Variants in KANK1 observed in about 807,000 individuals in gnomAD.
KANK1 encodes KN motif and ankyrin repeat domains 1, also known as KN motif and ankyrin repeat domain-containing protein 1.
In KANK1, 109 loss-of-function variants were observed where a neutral mutation model predicts 106.2. The observed-to-expected ratio is 1.03, with a 90% CI of 0.88 to 1.20. The LOEUF (loss-of-function observed/expected upper bound fraction) is 1.20, where lower values mean the gene tolerates loss of function less well. KANK1 is among the 50% of genes most tolerant of loss of function. The probability of loss-of-function intolerance (pLI) is 0.00; values close to 1 mark genes in which losing one functional copy is unlikely to be tolerated. For synonymous variants in KANK1, 873 were observed against 652.2 expected (o/e 1.34, Z -5.16); for missense variants, 2,399 against 1,710.7 (o/e 1.40, Z -7.10).
intron 1 of KANK1, among the ~76,000 whole-genome samples, chr9:569,786 A>T (rs951595147): frequency 4.6e-5 from 7 of 151,672 alleles, no homozygotes; most frequent in African/African-American, 1.7e-4. Flanking sequence ...TGCATTCATT[A>T]TTAGTGAAGT....
At chr9:709,696 A>T (rs1324728630) in intron 2 of KANK1, among the ~76,000 whole-genome samples, 2 of 149,720 alleles carry the variant, frequency 1.3e-5, no homozygotes, top group African/African-American at 2.5e-5. Flanking sequence ...CCTCACTGCA[A>T]CCTCCACCTC....
intron 1 of KANK1, among the ~76,000 whole-genome samples, chr9:628,597 G>A (rs1009440789): frequency 5.3e-5 from 8 of 152,140 alleles, no homozygotes; most frequent in Non-Finnish European, 5.9e-5. Context: ...CCACAGTGGT[G>A]GTGAGTTCAG....
chr9:496,239 A>G (rs984535957), intron 3 of KANK1, among the ~76,000 whole-genome samples: 2 of 152,220 alleles, frequency 1.3e-5, no homozygotes, highest in East Asian at 1.9e-4. Flanking sequence ...TAAGCTCTCA[A>G]TAAGAATTAT....
intron 1 of KANK1, among the ~76,000 whole-genome samples, chr9:667,669 C>T (rs1051553769): frequency 6.6e-6 from 1 of 150,484 alleles, no homozygotes; most frequent in African/African-American, 2.4e-5. Flanking sequence ...CTTATTTCTT[C>T]ATCAACTCAT....
chr9:692,668 TTTATG>T (rs1820261946), intron 2 of KANK1, among the ~76,000 whole-genome samples: 1 of 151,828 alleles, frequency 6.6e-6, no homozygotes, highest in African/African-American at 2.4e-5. Context: ...TCTCTTGAGG[TTTATG>T]TTATCATTTA....
At chr9:564,294 C>G (rs1177602563) in intron 1 of KANK1, among the ~76,000 whole-genome samples, 2 of 151,858 alleles carry the variant, frequency 1.3e-5, no homozygotes, top group East Asian at 3.9e-4. Context: ...ACCTCCTGAC[C>G]TCATGACTCC....
At chr9:716,650 G>A (rs1827787908) in intron 3 of KANK1, among the ~76,000 whole-genome samples, 1 of 152,176 alleles carries the variant, frequency 6.6e-6, no homozygotes, top group Non-Finnish European at 1.5e-5. Flanking sequence ...TAGAGTTGAA[G>A]ATTTGATGAT....
In KANK1 at chr9:732,212, A is replaced by C. The variant is rs1053067063; in HGVS notation, c.3006-166A>C. The C allele has an allele frequency of 4.1e-6, 3 of 734,632 alleles. No homozygotes were observed. In the African/African-American group the frequency reaches 5.3e-5, roughly 13 times the overall value. 45.5% of individuals were successfully genotyped at this position (734,632 alleles called of 1,614,324 possible). On this transcript the variant is annotated intron_variant, in intron 5 of 11. Coordinates refer to ENST00000382297, the MANE Select transcript of KANK1 (RefSeq NM_015158.5). Reference sequence around the variant, plus strand: ...ACCAGTTTAAGTTAGAGTCCATTCAAAACCACCAGGCATTTAAATAGACCT... The same window carrying C: ...ACCAGTTTAAGTTAGAGTCCATTCACAACCACCAGGCATTTAAATAGACCT...
intron 3 of KANK1, among the ~76,000 whole-genome samples, chr9:491,573 G>A (rs1408039632): frequency 6.6e-6 from 1 of 152,032 alleles, no homozygotes; most frequent in Non-Finnish European, 1.5e-5. Flanking sequence ...GGCCTGGAGT[G>A]CAATTTTAAA....
intron 2 of KANK1, among the ~76,000 whole-genome samples, chr9:707,439 C>T (rs1021928119): frequency 3.9e-5 from 6 of 152,246 alleles, no homozygotes; most frequent in Admixed American, 3.3e-4. Flanking sequence ...TGCCTGACAG[C>T]CAAGCTGCAG....
intron 1 of KANK1, among the ~76,000 whole-genome samples, chr9:515,002 C>G (rs2059214589): frequency 6.6e-6 from 1 of 151,628 alleles, no homozygotes; most frequent in East Asian, 1.9e-4. Flanking sequence ...ATGAACACCT[C>G]AAAAAGGGTT....
chr9:551,972 C>T (rs1225269167), intron 1 of KANK1, among the ~76,000 whole-genome samples: 1 of 152,040 alleles, frequency 6.6e-6, no homozygotes, highest in African/African-American at 2.4e-5. Context: ...GGGAGGATCA[C>T]TTGAGCTCAG....
intron 1 of KANK1, among the ~76,000 whole-genome samples, chr9:611,441 T>G (rs1034701126): frequency 1.3e-5 from 2 of 152,172 alleles, no homozygotes; most frequent in African/African-American, 4.8e-5. Context: ...ATAAAAACCT[T>G]AAGGCCCATG....
intron 2 of KANK1, chr9:684,446 G>A (rs943488929): frequency 1.3e-5 from 13 of 985,280 alleles, no homozygotes; most frequent in Non-Finnish European, 1.6e-5. Context: ...AGGGAGATTC[G>A]CTGTGTTAAG....
intron 2 of KANK1, among the ~76,000 whole-genome samples, chr9:708,791 A>T (rs1267928447): frequency 6.6e-6 from 1 of 152,176 alleles, no homozygotes; most frequent in African/African-American, 2.4e-5. Context: ...CTGATGGCTT[A>T]CATTTTCACT....
intron 1 of KANK1, among the ~76,000 whole-genome samples, chr9:643,628 C>A (rs1838994211): frequency 7.1e-6 from 1 of 141,522 alleles, no homozygotes; most frequent in Admixed American, 7.3e-5. Context: ...AATCCTCCTG[C>A]ATAGGCCTTC....
At chr9:740,048 ATT>A (rs1337870491) in intron 8 of KANK1, among the ~76,000 whole-genome samples, 2 of 152,188 alleles carry the variant, frequency 1.3e-5, no homozygotes, top group Non-Finnish European at 2.9e-5. Context: ...CATTCTGAAC[ATT>A]TTAACTTCAT....
chr9:667,921 G>C (rs1473350882), intron 1 of KANK1, among the ~76,000 whole-genome samples: 1 of 151,844 alleles, frequency 6.6e-6, no homozygotes, highest in East Asian at 1.9e-4. Flanking sequence ...TAATGAGACA[G>C]GGTTTTGCCA....
At chr9:649,088 T>C (rs1161036237) in intron 1 of KANK1, among the ~76,000 whole-genome samples, 1 of 152,194 alleles carries the variant, frequency 6.6e-6, no homozygotes, top group East Asian at 1.9e-4. Context: ...ATGTTTTTAC[T>C]GTATCTCGTG....
Sources: gnomAD v4.1 joint callset for allele counts (sites outside exome capture counted in the v4.1 genomes callset) on GRCh38, gnomAD v4.1.1 for gene constraint, MANE v1.5 for transcripts, NCBI Gene and HGNC (gene_info 2026-07-23, HGNC 2026-07-21) for gene names.